PTPRB: variants seen among roughly 807,000 people sequenced by gnomAD.
PTPRB encodes protein tyrosine phosphatase receptor type B.
A neutral mutation model predicts 238.1 loss-of-function variants in PTPRB; 97 were observed. The observed-to-expected ratio is 0.41, with a 90% CI of 0.35 to 0.48. The LOEUF (loss-of-function observed/expected upper bound fraction) is 0.48, where lower values mean the gene tolerates loss of function less well. Among genes scored for constraint, PTPRB ranks in the 20% least tolerant of loss-of-function variants. PTPRB has a pLI of 0.30. For synonymous variants in PTPRB, 970 were observed against 995.4 expected, an observed-to-expected ratio of 0.97 and a Z score of 0.48; for missense variants, 2,292 against 2,681.9, an observed-to-expected ratio of 0.85 and a Z score of 3.21.
At chr12:70,553,904 C>A (rs915308828) in intron 20 of PTPRB, among the ~76,000 whole-genome samples, 3 of 152,160 alleles carry the variant, frequency 2.0e-5, no homozygotes, top group African/African-American at 7.2e-5. Flanking sequence ...ACCTGGAAAT[C>A]ACAGCTCATC....
chr12:70,555,742 A>G (rs1336688779), intron 19 of PTPRB, 128 bp downstream of exon 19: 5 of 1,228,824 alleles, frequency 4.1e-6, no homozygotes, highest in Non-Finnish European at 3.3e-6. Context: ...CCAGGTGGCA[A>G]TCAGACAGGC....
Position 70,566,554 on chromosome 12 carries a change from G to A in PTPRB, c.3785C>T (p.Pro1262Leu), listed in dbSNP as rs777494075. The A allele has an allele frequency of 6.2e-7, 1 of 1,613,966 alleles. No homozygotes were observed. The highest frequency in any genetic ancestry group is 1.1e-5 in the South Asian group (1 of 91,082). The change falls in exon 15 of 34, where the codon CCA becomes CTA. Residue 1262 changes from proline to leucine, a missense_variant. By Grantham distance (98) the Pro-to-Leu change is moderately conservative. Coordinates refer to ENST00000334414, the MANE Select transcript of PTPRB (RefSeq NM_001109754.4). The stretch of plus-strand genomic sequence containing the variant: ...AAATTTGTGTTGCTTAGTGGTGGCT[G>A]GCTCTGATGTGTTGCGCAGAAGGAT... ...NGILLRNTSEPATTKQHKFED... is the reference protein window; with the variant it reads ...NGILLRNTSELATTKQHKFED...
intron 8 of PTPRB, among the ~76,000 whole-genome samples, chr12:70,587,473 T>A (rs1412636138): frequency 6.6e-6 from 1 of 152,236 alleles, no homozygotes; most frequent in African/African-American, 2.4e-5. Context: ...TTAGAAAACA[T>A]CTTGCCAGAA....
chr12:70,572,892 A>G (rs1047966913), intron 11 of PTPRB, among the ~76,000 whole-genome samples: 1 of 152,128 alleles, frequency 6.6e-6, no homozygotes, highest in Admixed American at 6.5e-5. Context: ...AAGGAAATGC[A>G]AGTCAAAACC....
rs1295064766 is a variant in PTPRB, at chr12:70,516,876, T to C, written c.*4613A>G. On this transcript the variant is annotated 3_prime_UTR_variant, in exon 34 of 34. Coordinates refer to ENST00000334414, the MANE Select transcript of PTPRB (RefSeq NM_001109754.4). ...TTTCAGAGCATTCACCAACAATTTCTTTATTTAATAAGTGTATCTTATATA... is the reference window on the plus strand; with the variant it reads ...TTTCAGAGCATTCACCAACAATTTCCTTATTTAATAAGTGTATCTTATATA... 1 of 152,254 alleles carries C rather than the reference T, an allele frequency of 6.6e-6. No homozygotes were observed. Among genetic ancestry groups the C allele is most frequent in the East Asian group, 1.9e-4 (1 of 5,206 alleles). 9.4% of individuals were successfully genotyped at this position (152,254 alleles called of 1,614,324 possible). A position where few individuals can be genotyped will look rare whatever the true frequency, so the allele number is the denominator to read the frequency against.
chr12:70,531,648 C>A (rs747907933), intron 32 of PTPRB, among the ~76,000 whole-genome samples: 1 of 152,066 alleles, frequency 6.6e-6, no homozygotes, highest in Non-Finnish European at 1.5e-5. Flanking sequence ...TTCAAAAATG[C>A]CCTGCAAATG....
intron 18 of PTPRB, 45 bp from the exon 19 acceptor site, chr12:70,556,193 AT>A (rs11424259): frequency 3.8e-3 from 5,096 of 1,350,574 alleles, no homozygotes; most frequent in Admixed American, 8.8e-3. Flanking sequence ...CTCAGGGAGA[AT>A]TTTTTTTTTT....
In PTPRB at chr12:70,566,679, A is replaced by G; in HGVS notation, c.3660T>C (p.Ile1220=). The G allele has an allele frequency of 1.9e-6, 3 of 1,613,940 alleles. No individual in the cohort carries two copies. Among genetic ancestry groups the G allele is most frequent in the Non-Finnish European group, 2.5e-6 (3 of 1,179,856 alleles). The part of the protein sequence containing the change: ...RTVPASVQGV[I]ADNAYSSYSL... Reference sequence around the variant, plus strand: ...AATAACTGCTGTATGCATTGTCTGCAATTACTCCTTGGACAGATGCTGGAA... The same window carrying G: ...AATAACTGCTGTATGCATTGTCTGCGATTACTCCTTGGACAGATGCTGGAA... The change falls in exon 15 of 34, where the codon ATT becomes ATC. Residue 1220 remains isoleucine (I), a synonymous_variant. Transcript: ENST00000334414.
At chr12:70,522,314 T>C (rs1053026793) in intron 33 of PTPRB, among the ~76,000 whole-genome samples, 1 of 152,170 alleles carries the variant, frequency 6.6e-6, no homozygotes, top group Non-Finnish European at 1.5e-5. Flanking sequence ...CCCACAGCCA[T>C]GTGAACAAGC....
intron 9 of PTPRB, among the ~76,000 whole-genome samples, chr12:70,583,846 C>T (rs2136431813): frequency 6.6e-6 from 1 of 152,160 alleles, no homozygotes; most frequent in East Asian, 1.9e-4. Flanking sequence ...AAATAATTTC[C>T]ACAGAATAAA....
intron 14 of PTPRB, among the ~76,000 whole-genome samples, chr12:70,568,987 T>C (rs1448047965): frequency 6.6e-6 from 1 of 152,228 alleles, no homozygotes; most frequent in Non-Finnish European, 1.5e-5. Flanking sequence ...TGATACTTGT[T>C]TTTTTAGCTC....
intron 10 of PTPRB, among the ~76,000 whole-genome samples, chr12:70,579,208 C>A (rs1322216890): frequency 6.6e-6 from 1 of 152,158 alleles, no homozygotes; most frequent in Admixed American, 6.5e-5. Context: ...TTCTGACACC[C>A]AGGGTAGGAG....
At chr12:70,576,240 G>A (rs1333429745) in intron 11 of PTPRB, 142 bp downstream of exon 11, 5 of 908,956 alleles carry the variant, frequency 5.5e-6, no homozygotes, top group Non-Finnish European at 8.1e-6. Context: ...AGTTTCTTGG[G>A]TTAAAATACG....
intron 3 of PTPRB, among the ~76,000 whole-genome samples, chr12:70,610,516 A>G (rs886637948): frequency 1.3e-5 from 2 of 150,974 alleles, no homozygotes; most frequent in Non-Finnish European, 2.9e-5. Flanking sequence ...ATATTTCCCC[A>G]GGTCGCCTGC....
chr12:70,615,798 G>A (rs2136562792), intron 3 of PTPRB, among the ~76,000 whole-genome samples: 1 of 152,230 alleles, frequency 6.6e-6, no homozygotes, highest in African/African-American at 2.4e-5. Flanking sequence ...CCAAACCCTA[G>A]GATAGCAGAC....
At chr12:70,620,817 A>G (rs1276523229) in intron 3 of PTPRB, among the ~76,000 whole-genome samples, 1 of 152,164 alleles carries the variant, frequency 6.6e-6, no homozygotes, top group Non-Finnish European at 1.5e-5. Context: ...ATGGACATAG[A>G]ATGTGGATTG....
chr12:70,574,498 C>T (rs970482470), intron 11 of PTPRB, among the ~76,000 whole-genome samples: 1 of 152,182 alleles, frequency 6.6e-6, no homozygotes, highest in Non-Finnish European at 1.5e-5. Flanking sequence ...AGGCAATTTG[C>T]TAAAGGCAAA....
At chr12:70,555,657 A>T (rs1877547651) in intron 19 of PTPRB, among the ~76,000 whole-genome samples, 1 of 152,040 alleles carries the variant, frequency 6.6e-6, no homozygotes, top group African/African-American at 2.4e-5. Context: ...CTTTAAGACC[A>T]TCTAACTTGT....
intron 32 of PTPRB, among the ~76,000 whole-genome samples, chr12:70,530,424 T>C (rs1873036459): frequency 6.6e-6 from 1 of 152,158 alleles, no homozygotes; most frequent in Admixed American, 6.5e-5. Flanking sequence ...AATGTACACA[T>C]ATAGGTGTAT....
Sources: gnomAD v4.1 joint callset for allele counts (sites outside exome capture counted in the v4.1 genomes callset) on GRCh38, gnomAD v4.1.1 for gene constraint, MANE v1.5 for transcripts, NCBI Gene and HGNC (gene_info 2026-07-23, HGNC 2026-07-21) for gene names.